UBE3C: variants seen among roughly 807,000 people sequenced by gnomAD.
UBE3C encodes the protein ubiquitin-protein ligase E3C.
UBE3C carries 42 observed loss-of-function variants against 129.4 expected under a neutral mutation model. The observed-to-expected ratio is 0.32, with a 90% confidence interval of 0.25 to 0.42. The LOEUF (loss-of-function observed/expected upper bound fraction) is 0.42. Among genes scored for constraint, UBE3C ranks in the 10% least tolerant of loss-of-function variants. The pLI, the probability that UBE3C is intolerant of heterozygous loss-of-function variation, is 1.00. For missense variants in UBE3C, 1,049 were observed against 1,319.1 expected (o/e 0.80, Z 3.17); for synonymous variants, 510 against 492.4 (o/e 1.04, Z -0.47).
intron 10 of UBE3C, among the ~76,000 whole-genome samples, chr7:157,196,155 C>T (rs1809115073): frequency 6.6e-6 from 1 of 152,116 alleles, no homozygotes; most frequent in Non-Finnish European, 1.5e-5. Context: ...TAGAAGGCCG[C>T]AAGCCAAGGA....
intron 17 of UBE3C, among the ~76,000 whole-genome samples, chr7:157,228,712 T>G (rs1448376310): frequency 2.0e-5 from 3 of 152,192 alleles, no homozygotes; most frequent in Non-Finnish European, 4.4e-5. Flanking sequence ...CCTGCTGCTG[T>G]GCAGAGTGGC....
intron 1 of UBE3C, among the ~76,000 whole-genome samples, chr7:157,146,021 C>G (rs1308355533): frequency 6.6e-6 from 1 of 151,976 alleles, no homozygotes; most frequent in Non-Finnish European, 1.5e-5. Context: ...CTCGTATTTT[C>G]TAGTAGTTTT....
chr7:157,166,320 A>G (rs1808210088), intron 2 of UBE3C, among the ~76,000 whole-genome samples: 2 of 152,200 alleles, frequency 1.3e-5, no homozygotes, highest in Admixed American at 1.3e-4. Flanking sequence ...CTTCACTTCC[A>G]GAATTTCTAG....
Position 157,178,844 on chromosome 7 carries a change from A to C in UBE3C, c.613A>C (p.Asn205His), listed in dbSNP as rs764676765. ...ACAAATTTTGCACTACATGATTCAC[A>C]ATGGTAAGTAGTAGGCAGGATCAGA... is the stretch of plus-strand genomic sequence containing the variant. The part of the protein sequence containing the change: ...IEQILHYMIH[N>H]GYYRSLYLLI... Residue 205 changes from asparagine to histidine, a missense_variant, in exon 6 of 23, where the codon AAT becomes CAT. Physicochemically the swap from Asn to His is moderately conservative, Grantham distance 68 (BLOSUM62 1). Around this residue, in one of 4 missense-constraint regions of UBE3C, gnomAD observed 489 missense variants for 513.8 expected, o/e 0.95. Coordinates refer to ENST00000348165, the MANE Select transcript of UBE3C (RefSeq NM_014671.3). The C allele has an allele frequency of 6.2e-7, 1 of 1,613,916 alleles. No individual in the cohort carries two copies. Among genetic ancestry groups the C allele is most frequent in the Non-Finnish European group, 8.5e-7 (1 of 1,179,958 alleles).
intron 10 of UBE3C, chr7:157,198,424 A>G: frequency 1.6e-6 from 1 of 620,086 alleles, no homozygotes. Flanking sequence ...CTTCACATTA[A>G]GTTCTGCAAA....
intron 1 of UBE3C, among the ~76,000 whole-genome samples, chr7:157,145,038 T>G (rs906383226): frequency 6.6e-6 from 1 of 152,080 alleles, no homozygotes; most frequent in African/African-American, 2.4e-5. Context: ...CCCAGCACTT[T>G]AGGAGGCCGA....
intron 13 of UBE3C, among the ~76,000 whole-genome samples, chr7:157,212,534 C>A (rs1809624243): frequency 6.6e-6 from 1 of 152,202 alleles, no homozygotes. Flanking sequence ...CATGAACTCT[C>A]AAACATAGCG....
chr7:157,254,555 GC>G (rs1796699228), intron 21 of UBE3C, among the ~76,000 whole-genome samples: 1 of 151,600 alleles, frequency 6.6e-6, no homozygotes, highest in Admixed American at 6.6e-5. Flanking sequence ...CTGCCACCAG[GC>G]CCAACTAATT....
At position 157,184,011 on chromosome 7, in the gene UBE3C, C is replaced by T. The variant is rs746804527; in HGVS notation, c.1125C>T (p.Ala375=). 13 of 1,613,952 alleles carry T rather than the reference C, an allele frequency of 8.1e-6. No homozygotes were observed. Among genetic ancestry groups the T allele is most frequent in the African/African-American group, 6.7e-5 (5 of 74,904 alleles). The change falls in exon 9 of 23, where the codon GCC becomes GCT. Residue 375 remains alanine (A), a synonymous_variant. Transcript: ENST00000348165. ...ACTCTGAGGAGGAGAGTGAAGAAGC[C>T]GACAAGCCCTCAAGCCCGGTAAGCC... is the stretch of plus-strand genomic sequence containing the variant. ...ASDSEEESEE[A]DKPSSPEDGR...
At chr7:157,225,266 A>G in intron 16 of UBE3C, 141 bp from the exon 17 acceptor site, 1 of 876,224 alleles carries the variant, frequency 1.1e-6, no homozygotes, top group Non-Finnish European at 1.6e-6. Flanking sequence ...ATTGATAAAA[A>G]TCAAGATTTG....
chr7:157,212,503 T>C (rs1809622822), intron 13 of UBE3C, among the ~76,000 whole-genome samples: 1 of 152,200 alleles, frequency 6.6e-6, no homozygotes, highest in South Asian at 2.1e-4. Context: ...TTAAGCAAGA[T>C]TTTCTTATGA....
intron 18 of UBE3C, among the ~76,000 whole-genome samples, chr7:157,233,957 T>G (rs1796088239): frequency 6.6e-6 from 1 of 152,224 alleles, no homozygotes; most frequent in African/African-American, 2.4e-5. Flanking sequence ...ATGTTGACCA[T>G]CTTTTCATGT....
chr7:157,181,389 G>A, intron 6 of UBE3C, 129 bp from the exon 7 acceptor site: 1 of 775,174 alleles, frequency 1.3e-6, no homozygotes, highest in Non-Finnish European at 2.0e-6. Context: ...AGTTTTCCTT[G>A]CTAGCATGTT....
intron 19 of UBE3C, among the ~76,000 whole-genome samples, chr7:157,251,286 T>C (rs1270134657): frequency 6.6e-6 from 1 of 152,240 alleles, no homozygotes; most frequent in Non-Finnish European, 1.5e-5. Flanking sequence ...ATGGTGCTGC[T>C]CTCAAATTTG....
intron 16 of UBE3C, among the ~76,000 whole-genome samples, chr7:157,223,995 T>C (rs186156599): frequency 1.9e-4 from 29 of 152,236 alleles, no homozygotes; most frequent in Admixed American, 1.8e-3. Flanking sequence ...ACATTCACGT[T>C]TATTTATCAG....
chr7:157,239,156 G>T (rs1267844174), intron 18 of UBE3C, among the ~76,000 whole-genome samples: 1 of 152,168 alleles, frequency 6.6e-6, no homozygotes, highest in African/African-American at 2.4e-5. Context: ...ACATGTGAAA[G>T]AATGTTTATG....
At chr7:157,218,723 G>T (rs956051050) in intron 14 of UBE3C, among the ~76,000 whole-genome samples, 13 of 152,156 alleles carry the variant, frequency 8.5e-5, no homozygotes, top group Admixed American at 4.6e-4. Context: ...TGCAAGATGG[G>T]TGTGGAGTGC....
Position 157,207,405 on chromosome 7 carries a change from G to A in UBE3C, c.1426G>A (p.Val476Ile), listed in dbSNP as rs1371773546. Residue 476 changes from valine (V) to isoleucine (I), a missense_variant, in exon 12 of 23, where the codon GTA becomes ATA. By Grantham distance (29) the Val-to-Ile change is conservative. Coordinates refer to ENST00000348165, the MANE Select transcript of UBE3C (RefSeq NM_014671.3). ...TCTTTTCTTTAATTCAAGGTCTATGGTACCGTTGCTTCAGGTGATATCCAG... is the reference window on the plus strand; with the variant it reads ...TCTTTTCTTTAATTCAAGGTCTATGATACCGTTGCTTCAGGTGATATCCAG... ...MSTRMITGSM[V>I]PLLQVISRGS... is the part of the protein sequence containing the mutation. 8.1e-6 allele frequency: 13 copies of A among 1,611,840 alleles called. No homozygotes were observed. Among genetic ancestry groups the A allele is most frequent in the Non-Finnish European group, 1.0e-5 (12 of 1,179,672 alleles).
intron 1 of UBE3C, among the ~76,000 whole-genome samples, chr7:157,147,627 C>T (rs1322296710): frequency 6.6e-6 from 1 of 151,992 alleles, no homozygotes. Flanking sequence ...TGTTCTTAAT[C>T]TTAGTGGGAA....
Sources: allele counts gnomAD v4.1 joint callset (sites outside exome capture counted in the v4.1 genomes callset), GRCh38; gene constraint gnomAD v4.1.1; regional missense constraint gnomAD v4.1.1; transcripts MANE v1.5; gene names NCBI Gene and HGNC (gene_info 2026-07-23, HGNC 2026-07-21).